Variants in BTG4 observed in about 807,000 individuals in gnomAD.
The protein encoded by BTG4 is BTG anti-proliferation factor 4.
A neutral mutation model predicts 19.3 loss-of-function variants in BTG4; 10 were observed. That is an observed-to-expected ratio of 0.52 (90% CI 0.32 to 0.88). BTG4 has a LOEUF of 0.88. Ranked by LOEUF, BTG4 falls within the 40% of genes least tolerant of loss-of-function variation. The pLI is 0.04. For synonymous variants in BTG4, 91 were observed against 95.7 expected (o/e 0.95, Z 0.29); for missense variants, 238 against 281.9 (o/e 0.84, Z 1.11).
chr11:111,495,025 A>T lies in BTG4; in HGVS notation c.*110T>A, dbSNP rs1023869270. 2 of 1,361,386 alleles carry T rather than the reference A, an allele frequency of 1.5e-6. No homozygotes were observed. Among genetic ancestry groups the T allele is most frequent in the Non-Finnish European group, 1.9e-6 (2 of 1,060,710 alleles). The allele number at this position is 1,361,386 out of a possible 1,614,324, so 84.3% of individuals were successfully genotyped here. Reference sequence around the variant, plus strand: ...TTACCATTGTGTACCCTAGTCCCTAATATGGTCATTTTTTGTTTCATGGGC... The same window carrying T: ...TTACCATTGTGTACCCTAGTCCCTATTATGGTCATTTTTTGTTTCATGGGC... On this transcript the variant is annotated 3_prime_UTR_variant, in exon 5 of 5. Coordinates refer to ENST00000692032, the MANE Select transcript of BTG4 (RefSeq NM_001367975.1).
intron 5 of BTG4, among the ~76,000 whole-genome samples, chr11:111,468,528 G>A (rs144848274): frequency 2.6e-5 from 4 of 152,202 alleles, no homozygotes; most frequent in Admixed American, 1.3e-4. Context: ...CTATGCAGCT[G>A]CCACTCACAG....
the BTG4 span, among the ~76,000 whole-genome samples, chr11:111,413,940 G>A: frequency 0.029 from 4,486 of 152,246 alleles, 100 homozygotes; most frequent in Middle Eastern, 0.13. Flanking sequence ...GCCAGGCCAC[G>A]CTGCCCTATC....
chr11:111,412,901 AG>A, the BTG4 span, among the ~76,000 whole-genome samples: 2 of 152,362 alleles, frequency 1.3e-5, no homozygotes, highest in East Asian at 3.9e-4. Flanking sequence ...CTGGAAGCCC[AG>A]GGGAGAAGGA....
chr11:111,405,460 A>AGAGTTTGC, the BTG4 span, among the ~76,000 whole-genome samples: 3 of 146,390 alleles, frequency 2.0e-5, no homozygotes, highest in African/African-American at 7.5e-5. Context: ...GAGAACCCAG[A>AGAGTTTGC]GAGTTTGCAG....
chr11:111,391,079 G>T, the BTG4 span, among the ~76,000 whole-genome samples: 3 of 152,190 alleles, frequency 2.0e-5, no homozygotes, highest in African/African-American at 7.2e-5. Flanking sequence ...GCTCGATAAA[G>T]TCTCATTGAT....
chr11:111,496,985 G>T (rs1865775794), intron 4 of BTG4: 2 of 415,662 alleles, frequency 4.8e-6, no homozygotes, highest in African/African-American at 2.0e-5. Flanking sequence ...GAAGAAATAG[G>T]ACAATAAAAG....
chr11:111,428,832 A>T, the BTG4 span, among the ~76,000 whole-genome samples: 1 of 152,166 alleles, frequency 6.6e-6, no homozygotes, highest in Non-Finnish European at 1.5e-5. Flanking sequence ...TGGCTGCCTC[A>T]GGTTCGTGGT....
chr11:111,441,718 C>T, the BTG4 span, among the ~76,000 whole-genome samples: 1 of 152,154 alleles, frequency 6.6e-6, no homozygotes, highest in Non-Finnish European at 1.5e-5. Flanking sequence ...TGGGAAACCC[C>T]CATGGTTGAC....
chr11:111,438,208 C>T, the BTG4 span, among the ~76,000 whole-genome samples: 21 of 152,230 alleles, frequency 1.4e-4, no homozygotes, highest in Non-Finnish European at 1.0e-4. Context: ...AGTGCTGACA[C>T]GGGGTCCCAG....
At chr11:111,494,790 T>C (rs2135660949), downstream of BTG4, 1 of 782,500 alleles carries the variant, frequency 1.3e-6, no homozygotes, top group African/African-American at 1.9e-5. Context: ...AAAGTTTGTT[T>C]CTTGCAACAA....
rs1865647315 is a variant in BTG4, at chr11:111,495,233, G to A, written c.592C>T (p.Leu198=). The A allele has an allele frequency of 6.2e-7, 1 of 1,612,962 alleles. No homozygotes were observed. Among genetic ancestry groups the A allele is most frequent in the Non-Finnish European group, 8.5e-7 (1 of 1,179,596 alleles). Residue 198 remains leucine, a synonymous_variant, in exon 5 of 5, where the codon CTG becomes TTG. Transcript: ENST00000692032. ...KNVVDGRVGL[L]GNTYHGSQKH... ...TGCGAGCCATGGTAAGTGTTTCCCA[G>A]GAGGCCAACACGGCCGTCCACCACA...
chr11:111,407,766 T>C, the BTG4 span, among the ~76,000 whole-genome samples: 4 of 152,254 alleles, frequency 2.6e-5, no homozygotes, highest in African/African-American at 9.6e-5. Context: ...TACGAGCAGA[T>C]ACTTGCCACC....
chr11:111,498,021 T>A lies in BTG4; in HGVS notation c.288A>T (p.Val96=), dbSNP rs774283010. ...LGLPKEMTIW[V]DPFEVCCRYG... is the part of the protein sequence containing the mutation. ...ACCTACAGCATACTTCAAAGGGATCTACCCATATGGTCATCTCCTTCGGAA... is the reference window on the plus strand; with the variant it reads ...ACCTACAGCATACTTCAAAGGGATCAACCCATATGGTCATCTCCTTCGGAA... Residue 96 remains valine, a synonymous_variant, in exon 3 of 5, where the codon GTA becomes GTT. Transcript: ENST00000692032. 3.7e-6 allele frequency: 6 copies of A among 1,613,982 alleles called. No individual in the cohort carries two copies. The East Asian group carries it at 1.3e-4, about 36-fold the overall frequency.
chr11:111,487,028 G>A (rs1006127075), intron 5 of BTG4, among the ~76,000 whole-genome samples: 6 of 151,594 alleles, frequency 4.0e-5, no homozygotes, highest in African/African-American at 1.2e-4. Context: ...CTGTGTCCAC[G>A]TGTTCTCATT....
At chr11:111,385,179 T>C in the BTG4 span, 3 of 152,186 alleles carry the variant, frequency 2.0e-5, no homozygotes, top group African/African-American at 7.2e-5. Context: ...CTGTTTAACT[T>C]TTAATGTTTC....
chr11:111,461,709 G>A, the BTG4 span, among the ~76,000 whole-genome samples: 1 of 152,088 alleles, frequency 6.6e-6, no homozygotes, highest in Non-Finnish European at 1.5e-5. Context: ...ATGAGACTCC[G>A]TCTCAAAAAT....
chr11:111,404,471 C>G, the BTG4 span: 1 of 386,744 alleles, frequency 2.6e-6, no homozygotes, highest in South Asian at 1.9e-5. Flanking sequence ...GGTTAGGAAG[C>G]ATTTTCTAGG....
chr11:111,427,899 C>T, the BTG4 span, among the ~76,000 whole-genome samples: 2 of 152,146 alleles, frequency 1.3e-5, no homozygotes, highest in South Asian at 4.1e-4. Flanking sequence ...CATCACAAGG[C>T]ACAGGCTTTT....
intron 5 of BTG4, among the ~76,000 whole-genome samples, chr11:111,489,612 A>G (rs1019192636): frequency 6.6e-6 from 1 of 152,240 alleles, no homozygotes; most frequent in African/African-American, 2.4e-5. Flanking sequence ...ATGAAAAAGA[A>G]TAAAATCTTT....
Sources: gnomAD v4.1 joint callset for allele counts (sites outside exome capture counted in the v4.1 genomes callset) on GRCh38, gnomAD v4.1.1 for gene constraint, MANE v1.5 for transcripts, NCBI Gene and HGNC (gene_info 2026-07-23, HGNC 2026-07-21) for gene names.